The following APLF variants were observed in gnomAD, a reference collection of about 807,000 sequenced individuals.
The protein encoded by APLF is aprataxin and PNKP like factor.
Under a neutral mutation model 55.6 loss-of-function variants are expected in APLF, and 61 were observed. The observed-to-expected ratio is 1.10, with a 90% CI of 0.89 to 1.36. The LOEUF is 1.36. Ranked by LOEUF, APLF falls within the 40% of genes most tolerant of loss-of-function variation. The pLI is 0.00. For missense variants in APLF, 611 were observed against 602.5 expected (o/e 1.01, Z -0.15); for synonymous variants, 207 against 214.8 (o/e 0.96, Z 0.32).
Position 68,526,250 on chromosome 2 carries a change from T to A in APLF, c.804+8T>A, listed in dbSNP as rs1033313323. ...TCTACCATTTCATCCAAGGTGATTT[T>A]AAAAAATTCATTATTTGATTGTTTT... On this transcript the variant is annotated splice_region_variant and intron_variant, in intron 6 of 9. Coordinates refer to ENST00000303795, the MANE Select transcript of APLF (RefSeq NM_173545.3). 6 of 1,596,198 alleles carry A rather than the reference T, an allele frequency of 3.8e-6. No individual in the cohort carries two copies. The African/African-American group carries it at 5.4e-5, about 14-fold the overall frequency.
chr2:68,495,053 C>A (rs762639539), intron 2 of APLF, among the ~76,000 whole-genome samples: 5 of 152,146 alleles, frequency 3.3e-5, no homozygotes, highest in Admixed American at 2.0e-4. Flanking sequence ...CACCAGGCCC[C>A]ACCTCCAGCA....
chr2:68,498,572 C>A (rs1019392407), intron 2 of APLF, among the ~76,000 whole-genome samples: 8 of 152,186 alleles, frequency 5.3e-5, no homozygotes, highest in Non-Finnish European at 1.0e-4. Flanking sequence ...GGAAATAGTG[C>A]ATGAGGAGAT....
chr2:68,502,670 TACA>T (rs1676758285), intron 2 of APLF, 58 bp from the exon 3 acceptor site: 6 of 1,039,720 alleles, frequency 5.8e-6, no homozygotes, highest in Non-Finnish European at 6.3e-6. Flanking sequence ...AATTTTGAGT[TACA>T]ACATTATTGT....
chr2:68,568,248 C>A, intron 9 of APLF: 1 of 984,562 alleles, frequency 1.0e-6, no homozygotes, highest in Non-Finnish European at 1.2e-6. Context: ...GCTGATTCAG[C>A]GCATAATATT....
chr2:68,532,278 G>A (rs529217008), intron 6 of APLF, among the ~76,000 whole-genome samples: 21 of 152,208 alleles, frequency 1.4e-4, no homozygotes, highest in Non-Finnish European at 2.8e-4. Flanking sequence ...GTTTGGCCAG[G>A]CCTACATTTG....
intron 5 of APLF, 83 bp from the exon 6 acceptor site, chr2:68,525,978 T>G: frequency 7.4e-7 from 1 of 1,359,282 alleles, no homozygotes; most frequent in Non-Finnish European, 9.9e-7. Flanking sequence ...TCGAATCCTT[T>G]TTCTTTTTTC....
At chr2:68,531,055 A>G (rs1443432823) in intron 6 of APLF, among the ~76,000 whole-genome samples, 3 of 152,208 alleles carry the variant, frequency 2.0e-5, no homozygotes, top group Non-Finnish European at 2.9e-5. Flanking sequence ...ATAATTCTTA[A>G]GAGCCTATTG....
intron 8 of APLF, chr2:68,563,210 G>C: frequency 1.0e-6 from 1 of 985,232 alleles, no homozygotes; most frequent in Non-Finnish European, 1.2e-6. Context: ...AAGGATGGAA[G>C]ATTCTCAAAG....
At chr2:68,522,331 G>A (rs1253856550) in intron 5 of APLF, among the ~76,000 whole-genome samples, 5 of 151,840 alleles carry the variant, frequency 3.3e-5, no homozygotes, top group Admixed American at 3.3e-4. Flanking sequence ...TGTAAGTAAT[G>A]ATATTGGTAG....
chr2:68,514,264 C>T (rs72901912), intron 5 of APLF, among the ~76,000 whole-genome samples: 22,005 of 151,698 alleles, frequency 0.15, 3,490 homozygotes, highest in African/African-American at 0.4. Context: ...TCTGCATCTA[C>T]GTACAACTTT....
chr2:68,564,796 G>A lies in APLF; in HGVS notation c.1287-2545G>A, dbSNP rs552682963. On this transcript the variant is annotated intron_variant, in intron 8 of 9. Transcript: ENST00000303795. ...TTTCTACCTATAGAATGTTTACTTC[G>A]TTTGAGAGTCACTTCATAAGAAAGA... Among the ~76,000 whole-genome samples the A allele has an allele frequency of 1.1e-4, 17 of 152,088 alleles. No individual in the cohort carries two copies. The Middle Eastern group carries it at 0.014, about 122-fold the overall frequency.
At chr2:68,555,617 A>G (rs1338177441) in intron 8 of APLF, among the ~76,000 whole-genome samples, 1 of 152,126 alleles carries the variant, frequency 6.6e-6, no homozygotes, top group East Asian at 1.9e-4. Context: ...GATCAGGGAA[A>G]TGCTAATCAA....
chr2:68,479,480 A>G (rs571794357), intron 1 of APLF, among the ~76,000 whole-genome samples: 1 of 152,334 alleles, frequency 6.6e-6, no homozygotes, highest in South Asian at 2.1e-4. Context: ...GCTAATAAAC[A>G]CTAATTAACA....
intron 3 of APLF, 138 bp from the exon 4 acceptor site, chr2:68,512,942 A>G (rs553031674): frequency 1.1e-5 from 7 of 615,450 alleles, no homozygotes; most frequent in African/African-American, 9.3e-5. Flanking sequence ...ATTCTAGTCT[A>G]TATATTCTAG....
intron 1 of APLF, among the ~76,000 whole-genome samples, chr2:68,472,354 T>G (rs1348425179): frequency 6.6e-6 from 1 of 152,192 alleles, no homozygotes; most frequent in Non-Finnish European, 1.5e-5. Context: ...AAGAAATATA[T>G]TTTAGGGTAA....
intron 6 of APLF, among the ~76,000 whole-genome samples, chr2:68,535,603 CTT>C (rs200351772): frequency 3.1e-4 from 40 of 128,684 alleles, no homozygotes; most frequent in African/African-American, 3.4e-4. Flanking sequence ...TAGCTGTGCT[CTT>C]TTTTTTTTTT....
At chr2:68,481,210 T>G (rs1474253163) in intron 1 of APLF, among the ~76,000 whole-genome samples, 1 of 152,208 alleles carries the variant, frequency 6.6e-6, no homozygotes, top group African/African-American at 2.4e-5. Context: ...TTTTAAAAGT[T>G]TGGTAGAATT....
chr2:68,485,596 G>A (rs1676138908), intron 1 of APLF, among the ~76,000 whole-genome samples: 1 of 151,944 alleles, frequency 6.6e-6, no homozygotes, highest in Non-Finnish European at 1.5e-5. Context: ...TTCTTGTTGG[G>A]AAATAAACAT....
intron 3 of APLF, among the ~76,000 whole-genome samples, chr2:68,504,426 G>A (rs1417185478): frequency 6.6e-6 from 1 of 151,786 alleles, no homozygotes; most frequent in Non-Finnish European, 1.5e-5. Context: ...ATGTAAAAAG[G>A]ATAATACTCT....
Sources: allele counts gnomAD v4.1 joint callset (sites outside exome capture counted in the v4.1 genomes callset), GRCh38; gene constraint gnomAD v4.1.1; transcripts MANE v1.5; gene names NCBI Gene and HGNC (gene_info 2026-07-23, HGNC 2026-07-21).